The following LRCH2 variants were observed in gnomAD, a reference collection of about 807,000 sequenced individuals.
The protein encoded by LRCH2 is leucine rich repeats and calponin homology domain containing 2, also known as leucine-rich repeat and calponin homology domain-containing protein 2.
Under a neutral mutation model 68.9 loss-of-function variants are expected in LRCH2, and 38 were observed. That is an observed-to-expected ratio of 0.55 (90% confidence interval 0.43 to 0.72). LRCH2 has a LOEUF of 0.72. Ranked by LOEUF, LRCH2 falls within the 30% of genes least tolerant of loss-of-function variation. LRCH2 has a pLI of 0.00. For missense variants in LRCH2, 528 were observed against 572.9 expected (o/e 0.92, Z 0.80); for synonymous variants, 191 against 208.1 (o/e 0.92, Z 0.71).
chrX:115,186,760 G>A (rs1308352461), intron 2 of LRCH2, among the ~76,000 whole-genome samples: 1 of 107,985 alleles, frequency 9.3e-6, no homozygotes, highest in Non-Finnish European at 1.9e-5. Flanking sequence ...TACCTACTTA[G>A]AGAAAGGAGC....
In LRCH2 at chrX:115,179,712, T is replaced by A; in HGVS notation, c.661A>T (p.Met221Leu). Reference protein sequence around the residue: ...CNEIQVLPQQMGKLHSLRELN... With the variant: ...CNEIQVLPQQLGKLHSLRELN... ...TCTCTAAGTGAATGTAATTTTCCCA[T>A]TTGTTGGGGAAGGACTTGAATCTCA... The change falls in exon 4 of 21, where the codon ATG (methionine) becomes TTG (leucine). Residue 221 changes from methionine to leucine, a missense_variant. Coordinates refer to ENST00000317135, the MANE Select transcript of LRCH2 (RefSeq NM_020871.4). 8.6e-7 allele frequency: 1 copy of A among 1,163,740 alleles called. No individual in the cohort carries two copies. Among genetic ancestry groups the A allele is most frequent in the Non-Finnish European group, 1.1e-6 (1 of 872,937 alleles).
At position 115,233,901 on chromosome X, in the gene LRCH2, C is replaced by G; in HGVS notation, c.141G>C (p.Val47=). ...AAAGAGTCGGTACCGGGATGGGGAC[C>G]ACCAGGGTCCCGCCGCCGCCGCCGC... ...GGGGGGGGTL[V]VPIPVPTLFG... Residue 47 remains valine, a synonymous_variant, in exon 1 of 21, where the codon GTG becomes GTC. Transcript: ENST00000317135. 2.6e-6 allele frequency: 3 copies of G among 1,164,682 alleles called. No homozygotes were observed. Among genetic ancestry groups the G allele is most frequent in the Non-Finnish European group, 3.4e-6 (3 of 872,056 alleles).
intron 11 of LRCH2, among the ~76,000 whole-genome samples, chrX:115,158,063 T>TTA (rs1229541688): frequency 7.1e-5 from 8 of 112,045 alleles, no homozygotes; most frequent in Non-Finnish European, 1.5e-4. Flanking sequence ...TCTATTCTAA[T>TTA]TAAACATCTA....
intron 1 of LRCH2, chrX:115,191,931 C>T (rs1556560480): frequency 2.2e-5 from 26 of 1,164,287 alleles, no homozygotes; most frequent in South Asian, 7.6e-5. Context: ...ATGCCAACAG[C>T]GGAGGCCACT....
intron 3 of LRCH2, among the ~76,000 whole-genome samples, chrX:115,184,149 A>C (rs1603067197): frequency 8.9e-6 from 1 of 112,205 alleles, no homozygotes; most frequent in East Asian, 2.8e-4. Flanking sequence ...ACAAATGCTT[A>C]TTCATTTGAA....
rs1307338725 is a variant in LRCH2, at chrX:115,233,875, A to G, written c.167T>C (p.Phe56Ser). 9.5e-6 allele frequency: 11 copies of G among 1,163,708 alleles called. No individual in the cohort carries two copies. Among genetic ancestry groups the G allele is most frequent in the Non-Finnish European group, 1.3e-5 (11 of 872,034 alleles). Residue 56 changes from phenylalanine (F) to serine (S), a missense_variant, in exon 1 of 21, where the codon TTC becomes TCC. Phe to Ser is a radical substitution (Grantham distance 155). Transcript: ENST00000317135. ...CGGCCCGTTGGGGAACGGCTGACCG[A>G]AAAGAGTCGGTACCGGGATGGGGAC... is the stretch of plus-strand genomic sequence containing the variant. The part of the protein sequence containing the change: ...LVVPIPVPTL[F>S]GQPFPNGPPW...
intron 14 of LRCH2, 64 bp from the exon 15 acceptor site, chrX:115,130,263 T>G: frequency 1.7e-6 from 1 of 578,535 alleles, no homozygotes; most frequent in Non-Finnish European, 2.7e-6. Flanking sequence ...TACTAGTAAA[T>G]TATGTACAAG....
At chrX:115,118,942 G>C (rs1291081969) in intron 20 of LRCH2, among the ~76,000 whole-genome samples, 2 of 111,707 alleles carry the variant, frequency 1.8e-5, no homozygotes, top group Non-Finnish European at 3.8e-5. Flanking sequence ...AATAGATGCA[G>C]AAAAGAACTT....
Position 115,188,317 on chromosome X carries a change from G to A in LRCH2, c.403C>T (p.Pro135Ser). Reference sequence around the variant, plus strand: ...TGATATAAATTTAATGTTTCAAGGGGTGCAAATAACCAGACATCAGAAGGA... The same window carrying A: ...TGATATAAATTTAATGTTTCAAGGGATGCAAATAACCAGACATCAGAAGGA... The part of the protein sequence containing the change: ...EIPSDVWLFA[P>S]LETLNLYHNC... Residue 135 changes from proline to serine, a missense_variant, in exon 2 of 21, where the codon CCC becomes TCC. By Grantham distance (74) the Pro-to-Ser change is moderately conservative. Transcript: ENST00000317135. The A allele has an allele frequency of 1.7e-6, 2 of 1,189,477 alleles. No homozygotes were observed. The highest frequency in any genetic ancestry group is 2.3e-6 in the Non-Finnish European group (2 of 884,340).
At chrX:115,129,291 G>A (rs1270761893) in intron 15 of LRCH2, among the ~76,000 whole-genome samples, 1 of 111,288 alleles carries the variant, frequency 9.0e-6, no homozygotes, top group Admixed American at 9.6e-5. Flanking sequence ...GGTAGGCTGG[G>A]ATCTTGTGGA....
chrX:115,156,474 TTTAAA>T (rs2072475757), intron 12 of LRCH2, 123 bp downstream of exon 12: 1 of 366,200 alleles, frequency 2.7e-6, no homozygotes, highest in Non-Finnish European at 4.5e-6. Context: ...ACATTTCCTA[TTTAAA>T]TTATCTAGTT....
chrX:115,222,662 A>G (rs1556574515), intron 1 of LRCH2, among the ~76,000 whole-genome samples: 1 of 112,511 alleles, frequency 8.9e-6, no homozygotes, highest in East Asian at 2.8e-4. Flanking sequence ...AACTAAAAAT[A>G]GGAAACTACA....
At chrX:115,204,087 A>G (rs190936184) in intron 1 of LRCH2, among the ~76,000 whole-genome samples, 2 of 113,136 alleles carry the variant, frequency 1.8e-5, no homozygotes, top group African/African-American at 6.4e-5. Flanking sequence ...CCACAGGCCC[A>G]ACACCATGTG....
At chrX:115,175,911 T>C (rs1258595910) in intron 5 of LRCH2, among the ~76,000 whole-genome samples, 2 of 111,688 alleles carry the variant, frequency 1.8e-5, no homozygotes, top group African/African-American at 6.5e-5. Context: ...GAGGAGGGGG[T>C]CATGGGAACC....
chrX:115,122,694 T>C (rs2072153885), intron 19 of LRCH2, 66 bp downstream of exon 19: 4 of 1,178,391 alleles, frequency 3.4e-6, no homozygotes, highest in Non-Finnish European at 4.6e-6. Flanking sequence ...AGGTATATTA[T>C]TTAAAGACAA....
chrX:115,157,133 A>G (rs1423678762), intron 11 of LRCH2, among the ~76,000 whole-genome samples: 1 of 111,435 alleles, frequency 9.0e-6, no homozygotes, highest in Non-Finnish European at 1.9e-5. Flanking sequence ...TAAACTTTTA[A>G]TAACTAAATA....
chrX:115,167,865 G>A (rs1311546803), intron 6 of LRCH2, among the ~76,000 whole-genome samples: 1 of 111,249 alleles, frequency 9.0e-6, no homozygotes, highest in Non-Finnish European at 1.9e-5. Flanking sequence ...CATGATTAGA[G>A]CCAAAATTCA....
intron 7 of LRCH2, 84 bp from the exon 8 acceptor site, chrX:115,166,036 A>T: frequency 1.3e-6 from 1 of 744,910 alleles, no homozygotes. Flanking sequence ...CATATGAATT[A>T]CAGAATGTCT....
chrX:115,191,404 G>A (rs200037364), intron 1 of LRCH2: 631 of 1,152,644 alleles, frequency 5.5e-4, no homozygotes, highest in Middle Eastern at 3.5e-3. Context: ...TGGGGGCCAC[G>A]ACAGTTCTGG....
Sources: gnomAD v4.1 joint callset for allele counts (sites outside exome capture counted in the v4.1 genomes callset) on GRCh38, gnomAD v4.1.1 for gene constraint, MANE v1.5 for transcripts, NCBI Gene and HGNC (gene_info 2026-07-23, HGNC 2026-07-21) for gene names.